Variants in TUT4 observed in about 807,000 individuals in gnomAD.
TUT4 encodes terminal uridylyl transferase 4, also known as terminal uridylyltransferase 4.
TUT4 carries 36 observed loss-of-function variants against 192.2 expected under a neutral mutation model. The ratio of observed to expected loss-of-function variants is 0.19; its 90% CI spans 0.14 to 0.25. The LOEUF is 0.25. Ranked by LOEUF, TUT4 falls within the 10% of genes least tolerant of loss-of-function variation. The probability of loss-of-function intolerance (pLI) is 1.00; values close to 1 mark genes in which losing one functional copy is unlikely to be tolerated. For synonymous variants in TUT4, 618 were observed against 666.0 expected, an observed-to-expected ratio of 0.93 and a Z score of 1.11; for missense variants, 1,493 against 1,957.2, an observed-to-expected ratio of 0.76 and a Z score of 4.47.
chr1:52,488,821 T>G lies in TUT4; in HGVS notation c.1515+88A>C, dbSNP rs1015805647. ...CCCACATGTTATGATTGATGTTACA[T>G]GTCAGTACAAGAAAAGGCCTAATTT... On this transcript the variant is annotated intron_variant, in intron 9 of 29. Coordinates refer to ENST00000257177, the MANE Select transcript of TUT4 (RefSeq NM_001009881.3). 3.0e-6 allele frequency: 4 copies of G among 1,335,730 alleles called. No individual in the cohort carries two copies. The African/African-American group carries it at 6.0e-5, about 20-fold the overall frequency. The allele number at this position is 1,335,730 out of a possible 1,614,324, so 82.7% of individuals were successfully genotyped here.
In TUT4 at chr1:52,490,784, C is replaced by A; in HGVS notation, c.1336G>T (p.Glu446Ter). The A allele has an allele frequency of 6.2e-7, 1 of 1,612,022 alleles. No homozygotes were observed. The highest frequency in any genetic ancestry group is 1.1e-5 in the South Asian group (1 of 90,628). Residue 446 changes from glutamate to a stop codon, truncating the protein, a stop_gained, in exon 8 of 30, where the codon GAA (glutamate) becomes TAA (stop). Coordinates refer to ENST00000257177, the MANE Select transcript of TUT4 (RefSeq NM_001009881.3). LOFTEE classifies it high-confidence loss of function. ...LKKNVLYVDV[E>*]SDFHAKVPVV... ...GGAACTTTAGCGTGAAAATCAGATT[C>A]CACATCTACATATAATACTAATAAG...
chr1:52,530,616 A>T (rs1683113474), intron 1 of TUT4, among the ~76,000 whole-genome samples: 1 of 152,160 alleles, frequency 6.6e-6, no homozygotes, highest in Non-Finnish European at 1.5e-5. Context: ...TGCTATTTTC[A>T]ATTTTTTCTT....
chr1:52,468,130 G>T, intron 15 of TUT4, 51 bp downstream of exon 15: 1 of 1,316,342 alleles, frequency 7.6e-7, no homozygotes, highest in South Asian at 1.3e-5. Context: ...TGAAACTCAA[G>T]ACTACATGAC....
chr1:52,438,910 A>G (rs1345739323), intron 24 of TUT4, among the ~76,000 whole-genome samples: 1 of 152,148 alleles, frequency 6.6e-6, no homozygotes, highest in Non-Finnish European at 1.5e-5. Flanking sequence ...TCTCTACTAA[A>G]AACACAAAAA....
At chr1:52,472,207 C>A (rs1194501844) in intron 13 of TUT4, 105 bp from the exon 14 acceptor site, 2 of 1,118,394 alleles carry the variant, frequency 1.8e-6, no homozygotes, top group Non-Finnish European at 2.5e-6. Flanking sequence ...GTTTTGATAA[C>A]CTGTGCTTTC....
intron 27 of TUT4, chr1:52,433,073 A>T (rs1308451442): frequency 6.6e-6 from 1 of 152,106 alleles, no homozygotes; most frequent in Non-Finnish European, 1.5e-5. Context: ...TGGCTGTGAG[A>T]TACTTTTTTT....
chr1:52,518,261 T>C (rs988847266), intron 2 of TUT4, among the ~76,000 whole-genome samples: 4 of 152,224 alleles, frequency 2.6e-5, no homozygotes, highest in Admixed American at 6.5e-5. Flanking sequence ...TCAGGTGTCA[T>C]AGTCAGCTCA....
At chr1:52,459,921 G>A (rs898300130) in intron 19 of TUT4, among the ~76,000 whole-genome samples, 1 of 151,926 alleles carries the variant, frequency 6.6e-6, no homozygotes, top group Non-Finnish European at 1.5e-5. Context: ...AAAAAATATA[G>A]GGGAGGGGGG....
chr1:52,529,284 T>A (rs972742996), intron 1 of TUT4, among the ~76,000 whole-genome samples: 12 of 152,192 alleles, frequency 7.9e-5, no homozygotes, highest in African/African-American at 2.9e-4. Flanking sequence ...AACTTACAAC[T>A]GCAAAAGAAT....
chr1:52,448,324 A>G (rs1235606756), intron 20 of TUT4, among the ~76,000 whole-genome samples: 3 of 152,202 alleles, frequency 2.0e-5, no homozygotes, highest in Non-Finnish European at 4.4e-5. Flanking sequence ...GCAGTGGCTC[A>G]TGCCTGTAAT....
At chr1:52,506,587 G>A (rs191746822) in intron 4 of TUT4, among the ~76,000 whole-genome samples, 3 of 152,072 alleles carry the variant, frequency 2.0e-5, no homozygotes, top group Non-Finnish European at 4.4e-5. Flanking sequence ...AATGTTTGAT[G>A]TACTATTATT....
chr1:52,536,889 G>A (rs1571416515), intron 1 of TUT4, among the ~76,000 whole-genome samples: 1 of 151,504 alleles, frequency 6.6e-6, no homozygotes, highest in Non-Finnish European at 1.5e-5. Flanking sequence ...AAATAGGCCG[G>A]GCGCGGTGGC....
intron 1 of TUT4, among the ~76,000 whole-genome samples, chr1:52,542,814 T>A (rs952484607): frequency 6.6e-6 from 1 of 151,818 alleles, no homozygotes; most frequent in Non-Finnish European, 1.5e-5. Flanking sequence ...CAGGCTGGAG[T>A]GCAATGGCAC....
intron 9 of TUT4, among the ~76,000 whole-genome samples, chr1:52,483,661 T>C (rs1669064769): frequency 6.6e-6 from 1 of 151,956 alleles, no homozygotes; most frequent in African/African-American, 2.4e-5. Flanking sequence ...AATACAAAAA[T>C]TAGCCAGGCA....
chr1:52,527,733 T>C (rs748479491), intron 1 of TUT4, among the ~76,000 whole-genome samples: 7 of 152,074 alleles, frequency 4.6e-5, no homozygotes, highest in Non-Finnish European at 1.0e-4. Context: ...AAGGTATCAA[T>C]GCGGGCCAAT....
chr1:52,460,890 T>G, intron 19 of TUT4: 1 of 283,046 alleles, frequency 3.5e-6, no homozygotes, highest in Non-Finnish European at 6.5e-6. Context: ...ATCACTGCAT[T>G]GAGAAATGTT....
intron 4 of TUT4, among the ~76,000 whole-genome samples, chr1:52,508,874 G>A (rs1419356027): frequency 1.3e-5 from 2 of 152,148 alleles, no homozygotes; most frequent in African/African-American, 4.8e-5. Flanking sequence ...TATTTCAATA[G>A]AAATAACTGA....
intron 20 of TUT4, among the ~76,000 whole-genome samples, chr1:52,457,165 C>T (rs937752514): frequency 1.3e-5 from 2 of 152,100 alleles, no homozygotes; most frequent in South Asian, 4.1e-4. Flanking sequence ...TTCATTAGAA[C>T]TTCTTAAAAC....
At chr1:52,441,876 A>G (rs1348796668) in intron 24 of TUT4, among the ~76,000 whole-genome samples, 6 of 152,046 alleles carry the variant, frequency 3.9e-5, no homozygotes, top group African/African-American at 7.2e-5. Flanking sequence ...AATTCAAGGT[A>G]TATGTCAGAT....
Sources: gnomAD v4.1 joint callset for allele counts (sites outside exome capture counted in the v4.1 genomes callset) on GRCh38, gnomAD v4.1.1 for gene constraint, MANE v1.5 for transcripts, NCBI Gene and HGNC (gene_info 2026-07-23, HGNC 2026-07-21) for gene names.